Variants in NOMO2 observed in about 807,000 individuals in gnomAD.
NOMO2 encodes BOS complex subunit NOMO2.
A neutral mutation model predicts 67.1 loss-of-function variants in NOMO2; 14 were observed. The ratio of observed to expected loss-of-function variants is 0.21; its 90% CI spans 0.14 to 0.33. NOMO2 has a LOEUF of 0.33. Ranked by LOEUF, NOMO2 falls within the 10% of genes least tolerant of loss-of-function variation. The pLI is 1.00. For synonymous variants in NOMO2, 80 were observed against 305.9 expected, an observed-to-expected ratio of 0.26 and a Z score of 7.71; for missense variants, 178 against 761.0, an observed-to-expected ratio of 0.23 and a Z score of 9.01.
At chr16:18,536,851 A>G (rs903090405) in intron 11 of NOMO2, among the ~76,000 whole-genome samples, 2 of 152,086 alleles carry the variant, frequency 1.3e-5, no homozygotes, top group Admixed American at 1.3e-4. Flanking sequence ...CCTGTCTTCC[A>G]TTCACCACTG....
Position 18,552,023 on chromosome 16 carries a change from G to A in NOMO2, c.302-484C>T, listed in dbSNP as rs1400684743. Among the ~76,000 whole-genome samples, 59 of 151,486 alleles carry A rather than the reference G, an allele frequency of 3.9e-4. 1 individual carries two copies. The highest frequency in any genetic ancestry group is 1.4e-3 in the African/African-American group (56 of 41,396). ...TCCCAAGATCACAGAGCTTCTGAGT[G>A]ACAGAGCCCCAGTTCAACCCTAAAA... is the stretch of plus-strand genomic sequence containing the variant. On this transcript the variant is annotated intron_variant, in intron 3 of 30. Coordinates refer to ENST00000622306, the MANE Select transcript of NOMO2 (RefSeq NM_173614.4).
intron 5 of NOMO2, among the ~76,000 whole-genome samples, chr16:18,548,678 G>A (rs1901707458): frequency 6.6e-6 from 1 of 152,230 alleles, no homozygotes; most frequent in Non-Finnish European, 1.5e-5. Context: ...TCATAACTGA[G>A]CTAACCTGTT....
chr16:18,529,341 A>G, intron 15 of NOMO2, 160 bp downstream of exon 15: 7 of 1,391,182 alleles, frequency 5.0e-6, no homozygotes, highest in Non-Finnish European at 7.0e-6. Flanking sequence ...GAGAGTATAA[A>G]TGCTTCCTGA....
chr16:18,533,449 G>C (rs11075409), intron 11 of NOMO2: 100,132 of 160,454 alleles, frequency 0.62, 31,780 homozygotes, highest in East Asian at 0.93. Context: ...CGGGTGACAT[G>C]TGGCAATCCC....
intron 1 of NOMO2, 45 bp from the exon 2 acceptor site, chr16:18,557,836 G>T: frequency 1.3e-6 from 2 of 1,556,768 alleles, no homozygotes; most frequent in Non-Finnish European, 8.8e-7. Flanking sequence ...ATTGCCTTTG[G>T]GAATTAACTA....
At chr16:18,560,918 G>T (rs1342360788) in intron 1 of NOMO2, among the ~76,000 whole-genome samples, 1 of 150,496 alleles carries the variant, frequency 6.6e-6, no homozygotes, top group Admixed American at 6.6e-5. Flanking sequence ...CCTCTCTTTG[G>T]CATTTCCCAG....
At chr16:18,535,913 C>A (rs1319613696) in intron 11 of NOMO2, among the ~76,000 whole-genome samples, 2 of 152,112 alleles carry the variant, frequency 1.3e-5, no homozygotes, top group South Asian at 2.1e-4. Context: ...TCTCCTGCCT[C>A]AGCCTCCTGA....
chr16:18,529,362 C>A, intron 15 of NOMO2, 139 bp downstream of exon 15: 2 of 1,587,568 alleles, frequency 1.3e-6, no homozygotes, highest in Non-Finnish European at 1.7e-6. Context: ...TTATGCGTTG[C>A]GTAACAGGTG....
chr16:18,550,600 A>G (rs560440936), intron 4 of NOMO2, among the ~76,000 whole-genome samples: 3,134 of 150,508 alleles, frequency 0.021, 1 homozygote, highest in African/African-American at 0.072. Flanking sequence ...GGCGGGTGGA[A>G]GAGAAATGAC....
Position 18,542,966 on chromosome 16 carries a change from T to TG in NOMO2, c.736-236dup, listed in dbSNP as rs1901581088. ...ATGACATGACTGTCCTTCCTTATCA[T>TG]GGGTCACCATTCTCCAAATAAGGAA... On this transcript the variant is annotated intron_variant, in intron 7 of 30. Coordinates refer to ENST00000622306, the MANE Select transcript of NOMO2 (RefSeq NM_173614.4). 1.2e-5 allele frequency: 3 copies of TG among 250,754 alleles called. No homozygotes were observed. In the East Asian group the frequency reaches 2.0e-4, roughly 17 times the overall value. The allele number at this position is 250,754 out of a possible 1,614,324, so 15.5% of individuals were successfully genotyped here. A position where few individuals can be genotyped will look rare whatever the true frequency, so the allele number is the denominator to read the frequency against.
At chr16:18,552,730 A>G (rs1177748788) in intron 3 of NOMO2, among the ~76,000 whole-genome samples, 11 of 152,026 alleles carry the variant, frequency 7.2e-5, no homozygotes, top group Admixed American at 7.2e-4. Flanking sequence ...AAACCCTTGT[A>G]CACTGCTGGG....
At chr16:18,536,336 C>A (rs1235118756) in intron 11 of NOMO2, among the ~76,000 whole-genome samples, 1 of 152,352 alleles carries the variant, frequency 6.6e-6, no homozygotes, top group African/African-American at 2.4e-5. Flanking sequence ...GAGAGCCTTG[C>A]AGAGCTCCCA....
In NOMO2 at chr16:18,562,006, G is replaced by A. The variant is rs755818800; in HGVS notation, c.35C>T (p.Pro12Leu). ...LVGQGAGLLG[P>L]AVVTAAVVLL... is the part of the protein sequence containing the mutation. ...CACCACCGCGGCGGTGACCACCGCG[G>A]GCCCCAGCAGCCCCGCGCCCTGGCC... Residue 12 changes from proline to leucine, a missense_variant, in exon 1 of 31, where the codon CCC (proline) becomes CTC (leucine). Physicochemically the swap from Pro to Leu is moderately conservative, Grantham distance 98. Coordinates refer to ENST00000622306, the MANE Select transcript of NOMO2 (RefSeq NM_173614.4). 8.4e-6 allele frequency: 13 copies of A among 1,550,628 alleles called. 1 individual carries two copies. In the African/African-American group the frequency reaches 1.8e-4, roughly 22 times the overall value.
intron 9 of NOMO2, among the ~76,000 whole-genome samples, chr16:18,540,370 T>C (rs1901523184): frequency 6.6e-6 from 1 of 151,836 alleles, no homozygotes; most frequent in African/African-American, 2.4e-5. Flanking sequence ...TGCCAGGCAC[T>C]AAATCACATG....
At chr16:18,531,437 T>C (rs1418189994) in intron 13 of NOMO2, 29 bp downstream of exon 13, 1 of 1,613,086 alleles carries the variant, frequency 6.2e-7, no homozygotes, top group African/African-American at 1.3e-5. Context: ...TTTGAAACTA[T>C]GTGTTCTTAC....
chr16:18,525,134 T>G (rs1901116817), intron 16 of NOMO2, among the ~76,000 whole-genome samples: 1 of 149,238 alleles, frequency 6.7e-6, no homozygotes, highest in Non-Finnish European at 1.5e-5. Context: ...AACCAATATT[T>G]TGGCCACACT....
chr16:18,528,133 A>T, intron 15 of NOMO2: 2 of 453,632 alleles, frequency 4.4e-6, no homozygotes, highest in Non-Finnish European at 8.8e-6. Context: ...CTCCAGGCAG[A>T]GGGGAGAGTA....
At chr16:18,556,812 C>T (rs1364031291) in intron 2 of NOMO2, among the ~76,000 whole-genome samples, 1 of 152,058 alleles carries the variant, frequency 6.6e-6, no homozygotes, top group Non-Finnish European at 1.5e-5. Flanking sequence ...AGAAAGCAAT[C>T]TGTTAGGATG....
chr16:18,557,872 G>A, intron 1 of NOMO2, 81 bp from the exon 2 acceptor site: 1 of 1,590,468 alleles, frequency 6.3e-7, no homozygotes, highest in Non-Finnish European at 8.6e-7. Flanking sequence ...AATGCACTCA[G>A]TCAGTATACA....
Sources: gnomAD v4.1 joint callset for allele counts (sites outside exome capture counted in the v4.1 genomes callset) on GRCh38, gnomAD v4.1.1 for gene constraint, MANE v1.5 for transcripts, NCBI Gene and HGNC (gene_info 2026-07-23, HGNC 2026-07-21) for gene names.